Variants in YARS1 observed in about 807,000 individuals in gnomAD.
YARS1 encodes tyrosyl-tRNA synthetase 1.
In YARS1, 36 loss-of-function variants were observed where a neutral mutation model predicts 62.2. That is an observed-to-expected ratio of 0.58 (90% confidence interval 0.44 to 0.76). YARS1 has a LOEUF of 0.76. Ranked by LOEUF, YARS1 falls within the 30% of genes least tolerant of loss-of-function variation. YARS1 has a pLI of 0.00. For synonymous variants in YARS1, 234 were observed against 244.9 expected (o/e 0.96, Z 0.42); for missense variants, 524 against 639.8 (o/e 0.82, Z 1.95).
chr1:32,791,024 A>C, intron 6 of YARS1, 138 bp downstream of exon 6: 1 of 820,446 alleles, frequency 1.2e-6, no homozygotes, highest in Non-Finnish European at 2.1e-6. Flanking sequence ...AGAACCACTA[A>C]ACTAATTGAA....
In YARS1 at chr1:32,776,732, C is replaced by T. The variant is rs1375901237; in HGVS notation, c.1477-641G>A. Among the ~76,000 whole-genome samples the T allele has an allele frequency of 2.6e-5, 4 of 151,954 alleles. No homozygotes were observed. The highest frequency in any genetic ancestry group is 7.2e-5 in the African/African-American group (3 of 41,406). ...CTATAATCCCAGCATTTCGGGAGGC[C>T]GAGGTGGGCGGATCACGAGGTCAGG... On this transcript the variant is annotated intron_variant, in intron 12 of 12. Coordinates refer to ENST00000373477, the MANE Select transcript of YARS1 (RefSeq NM_003680.4). The surrounding 1 kb of genome is among the most constrained non-coding windows in gnomAD (Gnocchi z 4.0).
At chr1:32,804,414 C>G (rs1085230) in intron 4 of YARS1, among the ~76,000 whole-genome samples, 148,799 of 150,922 alleles carry the variant, frequency 0.99, 73,379 homozygotes, top group Non-Finnish European at 1. Flanking sequence ...GGCCGGGCGG[C>G]GGCTGCCCCC....
In YARS1 at chr1:32,775,995, C is replaced by T. The variant is rs1553122256; in HGVS notation, c.1573G>A (p.Gly525Arg). 1 of 1,614,104 alleles carries T rather than the reference C, an allele frequency of 6.2e-7. No homozygotes were observed. The highest frequency in any genetic ancestry group is 8.5e-7 in the Non-Finnish European group (1 of 1,179,996). ...TGCTGGGCTGGCTAGCTAATGTTCC[C>T]CCCTTTCAGCGATTTACAGGAAATG... ...GSISCKSLKG[G>R]NIS is the part of the protein sequence containing the mutation. The change falls in exon 13 of 13, where the codon GGG becomes AGG. Residue 525 changes from glycine to arginine, a missense_variant. Coordinates refer to ENST00000373477, the MANE Select transcript of YARS1 (RefSeq NM_003680.4).
At chr1:32,798,365 A>T (rs1653669512) in intron 4 of YARS1, among the ~76,000 whole-genome samples, 2 of 152,224 alleles carry the variant, frequency 1.3e-5, no homozygotes, top group African/African-American at 4.8e-5. Flanking sequence ...GGGATAAAAA[A>T]ATAAGAGTAG....
At chr1:32,798,633 C>T (rs1335464236) in intron 4 of YARS1, among the ~76,000 whole-genome samples, 1 of 152,008 alleles carries the variant, frequency 6.6e-6, no homozygotes, top group Non-Finnish European at 1.5e-5. Context: ...GCCCGGGTGT[C>T]TCTCCAAAAA....
At chr1:32,782,106 C>G (rs145104465) in intron 9 of YARS1, 1 of 430,742 alleles carries the variant, frequency 2.3e-6, no homozygotes, top group African/African-American at 2.0e-5. Flanking sequence ...TGTCTGGCCC[C>G]GGTCACTATC....
At chr1:32,782,274 T>C in intron 9 of YARS1, 130 bp downstream of exon 9, 3 of 1,483,450 alleles carry the variant, frequency 2.0e-6, no homozygotes, top group Non-Finnish European at 9.3e-7. Context: ...TAGGAGCCAG[T>C]AGGACATGAC....
intron 4 of YARS1, among the ~76,000 whole-genome samples, chr1:32,804,366 G>A (rs1352852158): frequency 4.0e-5 from 6 of 150,562 alleles, no homozygotes; most frequent in Middle Eastern, 3.3e-3. Context: ...CTGGCCGGGC[G>A]GGGGTTGCCC....
At chr1:32,786,884 C>G (rs79738434) in intron 7 of YARS1, 56 bp downstream of exon 7, 1 of 1,611,824 alleles carries the variant, frequency 6.2e-7, no homozygotes, top group Non-Finnish European at 8.5e-7. Context: ...AGTATGATCA[C>G]AGCACGAACT....
At chr1:32,806,827 G>A (rs2148615083) in intron 3 of YARS1, among the ~76,000 whole-genome samples, 1 of 152,324 alleles carries the variant, frequency 6.6e-6, no homozygotes, top group African/African-American at 2.4e-5. Flanking sequence ...ATTTCAGAGA[G>A]GAGGGTGAGG....
chr1:32,814,158 G>A (rs910970169), intron 1 of YARS1, among the ~76,000 whole-genome samples: 9 of 152,120 alleles, frequency 5.9e-5, no homozygotes, highest in African/African-American at 2.2e-4. Context: ...TCATGCTCTT[G>A]ACTTCTTACT....
At position 32,791,204 on chromosome 1, in the gene YARS1, C is replaced by G; in HGVS notation, c.642G>C (p.Met214Ile). ...YSKRVHLMNP[M>I]VPGLTGSKMS... ...TTTTGCTGCCTGTTAATCCTGGAAC[C>G]ATAGGATTCATCAGATGGACCCGTT... Residue 214 changes from methionine (M) to isoleucine (I), a missense_variant, in exon 6 of 13, where the codon ATG (methionine) becomes ATC (isoleucine). By Grantham distance (10) the Met-to-Ile change is conservative (BLOSUM62 1). Transcript: ENST00000373477. 1 of 1,614,074 alleles carries G rather than the reference C, an allele frequency of 6.2e-7. No homozygotes were observed. Among genetic ancestry groups the G allele is most frequent in the Admixed American group, 1.7e-5 (1 of 59,998 alleles).
intron 6 of YARS1, among the ~76,000 whole-genome samples, chr1:32,787,557 T>C (rs2148604452): frequency 6.6e-6 from 1 of 151,816 alleles, no homozygotes; most frequent in Non-Finnish European, 1.5e-5. Context: ...TTGCCCAGGC[T>C]GGAGTGCAGT....
intron 5 of YARS1, among the ~76,000 whole-genome samples, chr1:32,794,502 G>A (rs1653511202): frequency 6.6e-6 from 1 of 152,102 alleles, no homozygotes. Flanking sequence ...CAATTCTCCT[G>A]TGTCAGCCTC....
chr1:32,803,215 G>A (rs573719590), intron 4 of YARS1, among the ~76,000 whole-genome samples: 47 of 151,336 alleles, frequency 3.1e-4, no homozygotes, highest in African/African-American at 1.0e-3. Context: ...TCCTGACCTC[G>A]TGATCTGCCT....
chr1:32,806,296 C>T (rs1037971945), intron 4 of YARS1, among the ~76,000 whole-genome samples, 186 bp downstream of exon 4: 5 of 152,200 alleles, frequency 3.3e-5, no homozygotes, highest in Admixed American at 6.5e-5. Context: ...CACAGAGACA[C>T]GAAGTGAGCA....
chr1:32,777,534 C>G (rs1039314064), intron 12 of YARS1, among the ~76,000 whole-genome samples: 2 of 152,182 alleles, frequency 1.3e-5, no homozygotes, highest in African/African-American at 2.4e-5. Flanking sequence ...TTGCTTGAAC[C>G]TGGGAGGCGG....
intron 1 of YARS1, among the ~76,000 whole-genome samples, chr1:32,813,555 A>G (rs1047486533): frequency 4.6e-5 from 7 of 152,278 alleles, no homozygotes; most frequent in Non-Finnish European, 7.4e-5. Context: ...CCTGACCTCA[A>G]ATGATCCACC....
chr1:32,810,757 G>C lies in YARS1; in HGVS notation c.214C>G (p.Leu72Val). The change falls in exon 3 of 13, where the codon CTG (leucine) becomes GTG (valine). Residue 72 changes from leucine (L) to valine (V), a missense_variant. Leu to Val is a conservative substitution (Grantham distance 32). Transcript: ENST00000373477. ...AGGTATGCGTGGAGGTCCGCAAACA[G>C]AATTGTTACCTGGACAAGAGATAAG... ...FLKAGCEVTI[L>V]FADLHAYLDN... 2 of 1,614,170 alleles carry C rather than the reference G, an allele frequency of 1.2e-6. No homozygotes were observed. Among genetic ancestry groups the C allele is most frequent in the Non-Finnish European group, 1.7e-6 (2 of 1,180,030 alleles).
Sources: allele counts gnomAD v4.1 joint callset (sites outside exome capture counted in the v4.1 genomes callset), GRCh38; gene constraint gnomAD v4.1.1; non-coding constraint Gnocchi (gnomAD v3.1); transcripts MANE v1.5; gene names NCBI Gene and HGNC (gene_info 2026-07-23, HGNC 2026-07-21).